Variants in MAP3K20 observed in about 807,000 individuals in gnomAD.
MAP3K20 encodes the protein HCCS-4.
In MAP3K20, 40 loss-of-function variants were observed where a neutral mutation model predicts 85.7. That is an observed-to-expected ratio of 0.47 (90% CI 0.36 to 0.61). MAP3K20 has a LOEUF of 0.61. Among genes scored for constraint, MAP3K20 ranks in the 20% least tolerant of loss-of-function variants. The probability of loss-of-function intolerance (pLI) is 0.00; values close to 1 mark genes in which losing one functional copy is unlikely to be tolerated. For synonymous variants in MAP3K20, 325 were observed against 327.7 expected, an observed-to-expected ratio of 0.99 and a Z score of 0.09; for missense variants, 817 against 961.7, an observed-to-expected ratio of 0.85 and a Z score of 1.99.
At chr2:173,221,501 G>A (rs756336968) in intron 11 of MAP3K20, 15 of 1,598,444 alleles carry the variant, frequency 9.4e-6, no homozygotes, top group Non-Finnish European at 1.3e-5. Flanking sequence ...CGGTGAGGAG[G>A]AGGATAATGA....
At chr2:173,203,692 T>C (rs546426238) in intron 8 of MAP3K20, 104 bp from the exon 9 acceptor site, 2 of 868,052 alleles carry the variant, frequency 2.3e-6, no homozygotes, top group Admixed American at 1.9e-5. Context: ...TCATGCCTTA[T>C]GTTCTTAAAA....
intron 9 of MAP3K20, among the ~76,000 whole-genome samples, chr2:173,205,663 T>C (rs1212181900): frequency 6.6e-6 from 1 of 152,194 alleles, no homozygotes; most frequent in African/African-American, 2.4e-5. Context: ...TGTTGCAAAA[T>C]CTTTGCTTTC....
intron 14 of MAP3K20, among the ~76,000 whole-genome samples, chr2:173,233,418 T>C (rs538702276): frequency 3.3e-5 from 5 of 152,360 alleles, no homozygotes; most frequent in African/African-American, 1.2e-4. Context: ...TTCATTGTGG[T>C]GGTCGTGGTC....
At chr2:173,153,970 C>T (rs1559254993) in intron 2 of MAP3K20, among the ~76,000 whole-genome samples, 2 of 152,106 alleles carry the variant, frequency 1.3e-5, no homozygotes, top group African/African-American at 4.8e-5. Flanking sequence ...CCCGCAGATA[C>T]AGAGAGTCGA....
chr2:173,226,769 T>G, intron 11 of MAP3K20: 4 of 985,650 alleles, frequency 4.1e-6, no homozygotes, highest in Non-Finnish European at 4.8e-6. Flanking sequence ...CACATATTGC[T>G]TTTGCACTCT....
chr2:173,239,287 C>T, intron 15 of MAP3K20, 117 bp from the exon 16 acceptor site: 7 of 766,204 alleles, frequency 9.1e-6, no homozygotes, highest in East Asian at 5.8e-5. Flanking sequence ...CCAAAATAAC[C>T]AAAAGTTAAT....
intron 2 of MAP3K20, among the ~76,000 whole-genome samples, chr2:173,143,114 A>T (rs1689025610): frequency 1.3e-5 from 2 of 152,230 alleles, no homozygotes; most frequent in Non-Finnish European, 2.9e-5. Flanking sequence ...TAAGACACAG[A>T]TCTGTTGAAA....
In MAP3K20 at chr2:173,084,973, T is replaced by C. The variant is rs369742843; in HGVS notation, c.-34-6025T>C. Reference sequence around the variant, plus strand: ...ACCCTGAATCATGCTACTTCCCTGTTGAAATATCTCTTATTTGGAAGTGAG... The same window carrying C: ...ACCCTGAATCATGCTACTTCCCTGTCGAAATATCTCTTATTTGGAAGTGAG... On this transcript the variant is annotated intron_variant, in intron 1 of 19. Coordinates refer to ENST00000375213, the MANE Select transcript of MAP3K20 (RefSeq NM_016653.3). Among the ~76,000 whole-genome samples the C allele has an allele frequency of 1.1e-3, 168 of 152,324 alleles. 2 individuals are homozygous for C. The South Asian group carries it at 0.034, about 31-fold the overall frequency.
intron 11 of MAP3K20, among the ~76,000 whole-genome samples, chr2:173,220,270 C>G (rs1418289585): frequency 6.6e-6 from 1 of 151,892 alleles, no homozygotes; most frequent in Non-Finnish European, 1.5e-5. Context: ...ATAGATATGC[C>G]CAAACATTTA....
At chr2:173,244,053 G>A (rs1193897792) in intron 16 of MAP3K20, among the ~76,000 whole-genome samples, 4 of 152,290 alleles carry the variant, frequency 2.6e-5, no homozygotes, top group East Asian at 1.9e-4. Flanking sequence ...ATGTCAAAGC[G>A]CTGAGCCTGT....
chr2:173,135,300 TCA>T (rs935884844), intron 2 of MAP3K20, among the ~76,000 whole-genome samples: 24 of 152,220 alleles, frequency 1.6e-4, no homozygotes, highest in African/African-American at 5.8e-4. Flanking sequence ...AGCATCTGAT[TCA>T]CTCTGAGTTC....
At position 173,182,907 on chromosome 2, in the gene MAP3K20, G is replaced by A. The variant is rs780780645; in HGVS notation, c.301G>A (p.Glu101Lys). ...TTACATTAACAGTAACAGAAGTGAG[G>A]AGATGGATATGGATCACATTATGAC... ...YDYINSNRSE[E>K]MDMDHIMTWA... The change falls in exon 4 of 20, where the codon GAG becomes AAG. Residue 101 changes from glutamate to lysine, a missense_variant. Transcript: ENST00000375213. The A allele has an allele frequency of 6.2e-7, 1 of 1,611,092 alleles. No individual in the cohort carries two copies. The highest frequency in any genetic ancestry group is 8.5e-7 in the Non-Finnish European group (1 of 1,178,810).
chr2:173,172,899 G>C (rs1203568899), intron 3 of MAP3K20, among the ~76,000 whole-genome samples: 1 of 151,788 alleles, frequency 6.6e-6, no homozygotes, highest in Non-Finnish European at 1.5e-5. Flanking sequence ...CTGAGTTCAA[G>C]CAATTCTCTT....
chr2:173,189,458 C>T (rs1420523085), intron 5 of MAP3K20, among the ~76,000 whole-genome samples: 1 of 152,166 alleles, frequency 6.6e-6, no homozygotes, highest in African/African-American at 2.4e-5. Context: ...GGACTCATCT[C>T]CTCTTATGCT....
At chr2:173,221,126 C>G in intron 11 of MAP3K20, 1 of 1,455,220 alleles carries the variant, frequency 6.9e-7, no homozygotes. Flanking sequence ...CTTTTTACTT[C>G]TGTCCTTTCT....
At chr2:173,233,122 A>G (rs1427989896) in intron 14 of MAP3K20, among the ~76,000 whole-genome samples, 1 of 152,214 alleles carries the variant, frequency 6.6e-6, no homozygotes, top group Non-Finnish European at 1.5e-5. Context: ...CCACAAAGGC[A>G]GTGTGGTGCC....
intron 16 of MAP3K20, among the ~76,000 whole-genome samples, chr2:173,250,768 G>A (rs1001935263): frequency 6.6e-6 from 1 of 152,106 alleles, no homozygotes; most frequent in Non-Finnish European, 1.5e-5. Flanking sequence ...CGCTGAAAGA[G>A]GTTATTAATG....
At chr2:173,261,235 C>A in intron 18 of MAP3K20, 98 bp downstream of exon 18, 1 of 1,249,384 alleles carries the variant, frequency 8.0e-7, no homozygotes, top group South Asian at 1.3e-5. Flanking sequence ...GGAGATATAC[C>A]CAGAGCATAT....
intron 16 of MAP3K20, among the ~76,000 whole-genome samples, chr2:173,240,974 A>C (rs1479061442): frequency 1.3e-5 from 2 of 152,216 alleles, no homozygotes; most frequent in Non-Finnish European, 2.9e-5. Flanking sequence ...ATATGGATGG[A>C]ACCGGAGGAT....
Sources: gnomAD v4.1 joint callset for allele counts (sites outside exome capture counted in the v4.1 genomes callset) on GRCh38, gnomAD v4.1.1 for gene constraint, MANE v1.5 for transcripts, NCBI Gene and HGNC (gene_info 2026-07-23, HGNC 2026-07-21) for gene names.